The following CSMD3 variants were observed in gnomAD, a reference collection of about 807,000 sequenced individuals.
The protein encoded by CSMD3 is CUB and Sushi multiple domains 3, also known as CUB and sushi domain-containing protein 3.
CSMD3 carries 177 observed loss-of-function variants against 435.2 expected under a neutral mutation model. That is an observed-to-expected ratio of 0.41 (90% confidence interval 0.36 to 0.46). The LOEUF is 0.46. Among genes scored for constraint, CSMD3 ranks in the 20% least tolerant of loss-of-function variants. The probability of loss-of-function intolerance (pLI) is 0.34; values close to 1 mark genes in which losing one functional copy is unlikely to be tolerated. For synonymous variants in CSMD3, 1,656 were observed against 1,520.5 expected (o/e 1.09, Z -2.07); for missense variants, 4,265 against 4,504.6 (o/e 0.95, Z 1.52).
chr8:113,042,267 C>T (rs2131292316), intron 5 of CSMD3, among the ~76,000 whole-genome samples: 1 of 152,160 alleles, frequency 6.6e-6, no homozygotes, highest in South Asian at 2.1e-4. Context: ...TGGTTAGAAA[C>T]AGTAAAAAAA....
chr8:113,097,349 T>C (rs1004151937), intron 5 of CSMD3, among the ~76,000 whole-genome samples: 2 of 152,118 alleles, frequency 1.3e-5, no homozygotes, highest in African/African-American at 4.8e-5. Flanking sequence ...TAAGTGCTTC[T>C]GTGTCTAAAG....
intron 5 of CSMD3, among the ~76,000 whole-genome samples, chr8:113,039,696 G>A (rs1046801073): frequency 7.2e-5 from 11 of 151,848 alleles, no homozygotes; most frequent in African/African-American, 2.4e-4. Context: ...AAAGAAGGAA[G>A]AACAAAAATT....
intron 30 of CSMD3, among the ~76,000 whole-genome samples, chr8:112,500,330 A>T (rs1255401089): frequency 6.6e-6 from 1 of 152,204 alleles, no homozygotes; most frequent in African/African-American, 2.4e-5. Flanking sequence ...GTTTTTAGAA[A>T]AAGATTTTTT....
At chr8:112,458,215 C>CACACACACACACACACACA (rs1554579456) in intron 32 of CSMD3, among the ~76,000 whole-genome samples, 172 of 150,804 alleles carry the variant, frequency 1.1e-3, no homozygotes, top group Middle Eastern at 3.4e-3. Flanking sequence ...ACACTCACAC[C>CACACACACACACACACACA]CACACACACA....
rs540916754 is a variant in CSMD3, at chr8:112,668,931, AAAAACAAAAC to A, written c.2678-2526_2678-2517del. On this transcript the variant is annotated intron_variant, in intron 16 of 70. Coordinates refer to ENST00000297405, the MANE Select transcript of CSMD3 (RefSeq NM_198123.2). ...AGGAGAAAGGAGAGGCTAAATGTAG[AAAAACAAAAC>A]AAAACAAAACAAAACAAAACAGCTG... Among the ~76,000 whole-genome samples the A allele has an allele frequency of 5.6e-3, 852 of 152,144 alleles. 6 individuals carry two copies. The highest frequency in any genetic ancestry group is 0.019 in the African/African-American group (796 of 41,512).
chr8:112,921,321 C>A (rs1307441332), intron 10 of CSMD3, among the ~76,000 whole-genome samples: 1 of 151,888 alleles, frequency 6.6e-6, no homozygotes, highest in East Asian at 1.9e-4. Flanking sequence ...TTTAAAATAT[C>A]TGTATCATTG....
intron 2 of CSMD3, among the ~76,000 whole-genome samples, chr8:113,285,329 G>C (rs544739328): frequency 3.4e-4 from 47 of 137,282 alleles, no homozygotes; most frequent in Admixed American, 7.6e-4. Flanking sequence ...GCACGATCTC[G>C]GCTCACTGCA....
At chr8:112,412,321 A>G (rs1337298421) in intron 32 of CSMD3, among the ~76,000 whole-genome samples, 1 of 150,668 alleles carries the variant, frequency 6.6e-6, no homozygotes, top group African/African-American at 2.5e-5. Context: ...ATTAACCCCA[A>G]GTCTGTGCTG....
At chr8:112,443,322 T>C (rs1371931645) in intron 32 of CSMD3, among the ~76,000 whole-genome samples, 1 of 152,196 alleles carries the variant, frequency 6.6e-6, no homozygotes, top group Non-Finnish European at 1.5e-5. Flanking sequence ...TATCTCATGG[T>C]TATTTGAGTA....
chr8:112,838,039 C>T (rs1439519867), intron 11 of CSMD3, among the ~76,000 whole-genome samples: 1 of 151,414 alleles, frequency 6.6e-6, no homozygotes, highest in Admixed American at 6.6e-5. Flanking sequence ...AATACAATAC[C>T]CTGTGTTGAT....
intron 68 of CSMD3, among the ~76,000 whole-genome samples, chr8:112,232,473 G>A (rs967109796): frequency 6.6e-6 from 1 of 152,106 alleles, no homozygotes; most frequent in Non-Finnish European, 1.5e-5. Context: ...GCCAGGGGTG[G>A]TGGCATGTAG....
intron 32 of CSMD3, among the ~76,000 whole-genome samples, chr8:112,451,212 A>G (rs1459446362): frequency 2.0e-5 from 3 of 152,158 alleles, no homozygotes; most frequent in Non-Finnish European, 4.4e-5. Context: ...GAGAAAAAGC[A>G]CAAAGGTTAA....
chr8:113,101,489 A>G (rs1412145580), intron 4 of CSMD3, among the ~76,000 whole-genome samples: 1 of 152,020 alleles, frequency 6.6e-6, no homozygotes, highest in Non-Finnish European at 1.5e-5. Flanking sequence ...TATATTCCGT[A>G]AGCTCCAAGG....
At chr8:113,293,662 G>C (rs2093700827) in intron 2 of CSMD3, among the ~76,000 whole-genome samples, 1 of 152,008 alleles carries the variant, frequency 6.6e-6, no homozygotes, top group Non-Finnish European at 1.5e-5. Flanking sequence ...AATAACTCCT[G>C]AATCACTTCT....
At chr8:113,334,303 A>C (rs2094053221) in intron 1 of CSMD3, among the ~76,000 whole-genome samples, 3 of 111,260 alleles carry the variant, frequency 2.7e-5, no homozygotes, top group African/African-American at 6.5e-5. Context: ...TTTCATTTCC[A>C]GCCTGTGTAC....
At chr8:113,181,704 G>T (rs766665027) in intron 3 of CSMD3, among the ~76,000 whole-genome samples, 1 of 151,924 alleles carries the variant, frequency 6.6e-6, no homozygotes, top group Non-Finnish European at 1.5e-5. Context: ...TAACTCTGTT[G>T]TACATAACTA....
At position 113,430,357 on chromosome 8, in the gene CSMD3, G is replaced by T. The variant is rs189597103; in HGVS notation, c.178+6320C>A. ...TTATGTCATCTCCCTATAAACCCCC[G>T]ATATTGTCATGTATTTTTTTTTTTA... On this transcript the variant is annotated intron_variant, in intron 1 of 70. Coordinates refer to ENST00000297405, the MANE Select transcript of CSMD3 (RefSeq NM_198123.2). Among the ~76,000 whole-genome samples, 34 of 148,464 alleles carry T rather than the reference G, an allele frequency of 2.3e-4. No homozygotes were observed. The East Asian group carries it at 5.6e-3, about 25-fold the overall frequency.
Position 113,019,046 on chromosome 8 carries a change from AAAGGTATTCCAT to A in CSMD3, c.1030+9_1030+20del. On this transcript the variant is annotated intron_variant, in intron 6 of 70. Transcript: ENST00000297405. Reference sequence around the variant, plus strand: ...AATTATTTTACATATCAAAAGAGGCAAAGGTATTCCATAAGTATACCTTGATAGGGAGCACTA... The same window carrying A: ...AATTATTTTACATATCAAAAGAGGCAAAGTATACCTTGATAGGGAGCACTA... 1.2e-5 allele frequency: 17 copies of A among 1,389,022 alleles called. No individual in the cohort carries two copies. Among genetic ancestry groups the A allele is most frequent in the Non-Finnish European group, 1.7e-5 (17 of 974,480 alleles). The allele number at this position is 1,389,022 out of a possible 1,614,324, so 86.0% of individuals were successfully genotyped here.
At chr8:112,976,859 T>G (rs1239308023) in intron 6 of CSMD3, among the ~76,000 whole-genome samples, 2 of 151,964 alleles carry the variant, frequency 1.3e-5, no homozygotes, top group African/African-American at 4.8e-5. Context: ...TGGTTGAAAC[T>G]TAACTATTAT....
Sources: gnomAD v4.1 joint callset for allele counts (sites outside exome capture counted in the v4.1 genomes callset) on GRCh38, gnomAD v4.1.1 for gene constraint, MANE v1.5 for transcripts, NCBI Gene and HGNC (gene_info 2026-07-23, HGNC 2026-07-21) for gene names.